Variants in TMEM182 observed in about 807,000 individuals in gnomAD.
TMEM182 encodes the protein transmembrane protein 182.
Under a neutral mutation model 26.8 loss-of-function variants are expected in TMEM182, and 20 were observed. That is an observed-to-expected ratio of 0.75 (90% CI 0.53 to 1.09). TMEM182 has a LOEUF of 1.09. Among genes scored for constraint, TMEM182 ranks in the 50% least tolerant of loss-of-function variants. The pLI, the probability that TMEM182 is intolerant of heterozygous loss-of-function variation, is 0.00. For synonymous variants in TMEM182, 109 were observed against 102.2 expected (o/e 1.07, Z -0.40); for missense variants, 277 against 275.5 (o/e 1.01, Z -0.04).
intron 4 of TMEM182, among the ~76,000 whole-genome samples, chr2:102,809,312 C>T (rs867088870): frequency 6.6e-6 from 1 of 152,174 alleles, no homozygotes; most frequent in Non-Finnish European, 1.5e-5. Context: ...AGAATTGCTT[C>T]GTTTCTTCTT....
chr2:102,743,236 T>C (rs1432135230), intron 1 of TMEM182, among the ~76,000 whole-genome samples: 4 of 152,162 alleles, frequency 2.6e-5, no homozygotes, highest in African/African-American at 7.2e-5. Context: ...TAGTTGTAAA[T>C]GTATATCGCA....
chr2:102,825,606 A>C (rs1052493291), intron 3 of TMEM182, among the ~76,000 whole-genome samples: 1 of 152,254 alleles, frequency 6.6e-6, no homozygotes, highest in African/African-American at 2.4e-5. Flanking sequence ...AAGCAGAGGA[A>C]TAATAGTGAC....
intron 3 of TMEM182, among the ~76,000 whole-genome samples, chr2:102,835,166 C>A (rs976232402): frequency 1.3e-5 from 2 of 152,124 alleles, no homozygotes; most frequent in Non-Finnish European, 2.9e-5. Context: ...AAATTCACCA[C>A]CGGAGGCCAG....
chr2:102,797,727 C>T, intron 3 of TMEM182, 136 bp from the exon 4 acceptor site: 2 of 1,058,458 alleles, frequency 1.9e-6, no homozygotes, highest in East Asian at 5.2e-5. Context: ...TCAGACCCAT[C>T]CCTGGCATTC....
intron 3 of TMEM182, among the ~76,000 whole-genome samples, chr2:102,783,262 G>A (rs376528310): frequency 3.0e-4 from 45 of 152,296 alleles, no homozygotes; most frequent in East Asian, 2.5e-3. Context: ...GATTTCCTGC[G>A]TAAAATGGGC....
chr2:102,816,921 AT>A lies in TMEM182; in HGVS notation c.*1954del. ...GAATATTTATAAATTTCAGATGGTT[AT>A]CCTCACTTTATAGTACACTTAAGTG... On this transcript the variant is annotated 3_prime_UTR_variant, in exon 5 of 5. Transcript: ENST00000412401. 1 of 985,748 alleles carries A rather than the reference AT, an allele frequency of 1.0e-6. No homozygotes were observed. Among genetic ancestry groups the A allele is most frequent in the African/African-American group, 1.7e-5 (1 of 57,340 alleles). 61.1% of individuals were successfully genotyped at this position (985,748 alleles called of 1,614,324 possible).
At chr2:102,834,989 T>C (rs942926588) in intron 3 of TMEM182, among the ~76,000 whole-genome samples, 1 of 152,164 alleles carries the variant, frequency 6.6e-6, no homozygotes, top group African/African-American at 2.4e-5. Flanking sequence ...GCCTGTTTCC[T>C]CCTTTGGAAA....
Position 102,762,629 on chromosome 2 carries a change from T to C in TMEM182, c.175T>C (p.Cys59Arg), listed in dbSNP as rs1274119397. The C allele has an allele frequency of 6.2e-7, 1 of 1,613,914 alleles. No homozygotes were observed. The highest frequency in any genetic ancestry group is 1.3e-5 in the African/African-American group (1 of 75,012). ...TCACCATGAAGGGTTCTTCTGGAGG[T>C]GTTGGTTTAATGGGATTGTGGAAGA... The part of the protein sequence containing the change: ...TFHHEGFFWR[C>R]WFNGIVEEND... Residue 59 changes from cysteine (C) to arginine (R), a missense_variant, in exon 2 of 5, where the codon TGT becomes CGT. Cys to Arg is a radical substitution (Grantham distance 180). Transcript: ENST00000412401.
chr2:102,785,329 C>CT (rs1421926985), intron 3 of TMEM182, among the ~76,000 whole-genome samples: 2 of 152,164 alleles, frequency 1.3e-5, no homozygotes, highest in African/African-American at 4.8e-5. Flanking sequence ...CCCCAAAGAG[C>CT]TTTTATGCAA....
At chr2:102,754,119 G>C (rs984950141) in intron 1 of TMEM182, among the ~76,000 whole-genome samples, 1 of 152,128 alleles carries the variant, frequency 6.6e-6, no homozygotes, top group African/African-American at 2.4e-5. Flanking sequence ...AATTATCATA[G>C]GGAAGCAATT....
downstream of TMEM182, among the ~76,000 whole-genome samples, chr2:102,820,297 T>C (rs931171973): frequency 6.6e-6 from 1 of 152,232 alleles, no homozygotes; most frequent in Admixed American, 6.5e-5. Context: ...CGTTCACTAG[T>C]TTATTCAACA....
At position 102,814,585 on chromosome 2, in the gene TMEM182, G is replaced by A. The variant is rs372468643; in HGVS notation, c.470-163G>A. Reference sequence around the variant, plus strand: ...AATGCTTTGAAGATGAAAGATAAAAGAAATATCTATAAAGTACATAATAAA... The same window carrying A: ...AATGCTTTGAAGATGAAAGATAAAAAAAATATCTATAAAGTACATAATAAA... On this transcript the variant is annotated intron_variant, in intron 4 of 4. Transcript: ENST00000412401. 5.3e-5 allele frequency among the ~76,000 whole-genome samples: 8 copies of A among 152,224 alleles called. No homozygotes were observed. In the South Asian group the frequency reaches 1.7e-3, roughly 32 times the overall value.
intron 3 of TMEM182, among the ~76,000 whole-genome samples, chr2:102,828,620 G>A (rs1284964111): frequency 6.6e-6 from 1 of 152,146 alleles, no homozygotes; most frequent in Non-Finnish European, 1.5e-5. Context: ...TGAGGGAAGT[G>A]TCTCTGACAG....
At chr2:102,820,396 C>T (rs925470012), downstream of TMEM182, among the ~76,000 whole-genome samples, 5 of 152,082 alleles carry the variant, frequency 3.3e-5, no homozygotes, top group Non-Finnish European at 7.4e-5. Flanking sequence ...TCTTTTTATT[C>T]TTCAAACTGA....
Position 102,815,760 on chromosome 2 carries a change from G to A in TMEM182, c.*792G>A. 1.1e-6 allele frequency: 1 copy of A among 938,486 alleles called. No individual in the cohort carries two copies. 58.1% of individuals were successfully genotyped at this position (938,486 alleles called of 1,614,324 possible). A position where few individuals can be genotyped will look rare whatever the true frequency, so the allele number is the denominator to read the frequency against. ...TGTAAAAACCAAGCATTTCCGCTTGGTCCATAATTCTATTTGATATTTTAA... is the reference window on the plus strand; with the variant it reads ...TGTAAAAACCAAGCATTTCCGCTTGATCCATAATTCTATTTGATATTTTAA... On this transcript the variant is annotated 3_prime_UTR_variant, in exon 5 of 5. Coordinates refer to ENST00000412401, the MANE Select transcript of TMEM182 (RefSeq NM_144632.5).
chr2:102,782,711 A>C (rs1681223456), intron 3 of TMEM182, among the ~76,000 whole-genome samples: 1 of 152,192 alleles, frequency 6.6e-6, no homozygotes, highest in Non-Finnish European at 1.5e-5. Context: ...AATATTTATG[A>C]TTCGTGTTCC....
chr2:102,804,975 C>T (rs1682290375), intron 4 of TMEM182, among the ~76,000 whole-genome samples: 1 of 152,172 alleles, frequency 6.6e-6, no homozygotes, highest in South Asian at 2.1e-4. Flanking sequence ...TCACTGTCAT[C>T]CAGACACTGA....
chr2:102,759,651 G>T (rs574527017), upstream of TMEM182, among the ~76,000 whole-genome samples: 1 of 152,194 alleles, frequency 6.6e-6, no homozygotes, highest in East Asian at 1.9e-4. Context: ...TGTCCCCAAA[G>T]TAATGGCTTA....
rs536884369 is a variant in TMEM182 at position 102,755,650 on chromosome 2, G to A, written c.-82-2739G>A. Among the ~76,000 whole-genome samples the A allele has an allele frequency of 7.4e-4, 113 of 152,254 alleles. 1 individual carries two copies. The South Asian group carries it at 0.022, about 30-fold the overall frequency. ...GTCTTTAAGATGAAAAATAACAGTA[G>A]TGCTCTGTAGAAATTCAGCTTGTAT... On this transcript the variant is annotated intron_variant, in intron 1 of 5. Coordinates refer to the TMEM182 transcript ENST00000409173.
Sources: allele counts gnomAD v4.1 joint callset (sites outside exome capture counted in the v4.1 genomes callset), GRCh38; gene constraint gnomAD v4.1.1; transcripts MANE v1.5; gene names NCBI Gene and HGNC (gene_info 2026-07-23, HGNC 2026-07-21).